Variants in MAF observed in about 807,000 individuals in gnomAD.
MAF encodes the protein MAF bZIP transcription factor, also known as transcription factor Maf.
Under a neutral mutation model 22.0 loss-of-function variants are expected in MAF, and 10 were observed. The ratio of observed to expected loss-of-function variants is 0.45; its 90% confidence interval spans 0.28 to 0.77. The LOEUF is 0.77. Ranked by LOEUF, MAF falls within the 30% of genes least tolerant of loss-of-function variation. The probability of loss-of-function intolerance (pLI) is 0.12; values close to 1 mark genes in which losing one functional copy is unlikely to be tolerated. For synonymous variants in MAF, 337 were observed against 255.8 expected (o/e 1.32, Z -3.03); for missense variants, 544 against 548.4 (o/e 0.99, Z 0.08).
At chr16:79,270,701 C>T in the MAF span, among the ~76,000 whole-genome samples, 1 of 152,124 alleles carries the variant, frequency 6.6e-6, no homozygotes, top group Non-Finnish European at 1.5e-5. Context: ...GTGGAGAAAG[C>T]TCCCACTGGC....
At chr16:79,238,249 G>C in the MAF span, among the ~76,000 whole-genome samples, 2 of 152,020 alleles carry the variant, frequency 1.3e-5, no homozygotes, top group Non-Finnish European at 2.9e-5. Flanking sequence ...CTGAATGCCA[G>C]CTTTTCCCAG....
the MAF span, among the ~76,000 whole-genome samples, chr16:79,422,017 A>C: frequency 6.6e-6 from 1 of 152,082 alleles, no homozygotes; most frequent in Non-Finnish European, 1.5e-5. Context: ...AACTCAGGTG[A>C]TCCACCCGCC....
chr16:79,366,275 G>A, the MAF span, among the ~76,000 whole-genome samples: 1 of 152,142 alleles, frequency 6.6e-6, no homozygotes, highest in Non-Finnish European at 1.5e-5. Flanking sequence ...ACACTAGACT[G>A]TCATGGTACC....
chr16:79,490,415 G>C, the MAF span, among the ~76,000 whole-genome samples: 1 of 152,106 alleles, frequency 6.6e-6, no homozygotes, highest in Non-Finnish European at 1.5e-5. Flanking sequence ...GCTGTAGAGG[G>C]GATTCCTCTG....
the MAF span, among the ~76,000 whole-genome samples, chr16:79,547,047 G>A: frequency 2.6e-5 from 4 of 152,130 alleles, no homozygotes; most frequent in Admixed American, 2.0e-4. Context: ...CAGGACATGC[G>A]TACGAGTTTG....
the MAF span, among the ~76,000 whole-genome samples, chr16:79,252,571 C>T: frequency 6.6e-6 from 1 of 152,064 alleles, no homozygotes; most frequent in Admixed American, 6.5e-5. Flanking sequence ...CTCACTGCAA[C>T]CGCAACCTCC....
the MAF span, among the ~76,000 whole-genome samples, chr16:79,452,898 G>A: frequency 6.6e-6 from 1 of 152,202 alleles, no homozygotes; most frequent in Non-Finnish European, 1.5e-5. Context: ...ATCAACACTT[G>A]GAGGAGAGCC....
At chr16:79,508,343 G>A in the MAF span, among the ~76,000 whole-genome samples, 29 of 152,272 alleles carry the variant, frequency 1.9e-4, 1 homozygote, top group Admixed American at 1.8e-3. Flanking sequence ...GTGAAACTGA[G>A]TATTCATTTC....
At chr16:79,282,126 C>A in the MAF span, among the ~76,000 whole-genome samples, 1 of 152,198 alleles carries the variant, frequency 6.6e-6, no homozygotes, top group Admixed American at 6.5e-5. Flanking sequence ...GATGGTGAAA[C>A]CCCGTCTCTA....
chr16:79,469,044 T>C, the MAF span, among the ~76,000 whole-genome samples: 2 of 152,154 alleles, frequency 1.3e-5, no homozygotes, highest in African/African-American at 4.8e-5. Context: ...ATTTATTCCT[T>C]AGCCACCCCA....
chr16:79,337,158 T>C, the MAF span, among the ~76,000 whole-genome samples: 10 of 152,262 alleles, frequency 6.6e-5, no homozygotes, highest in South Asian at 2.1e-3. Flanking sequence ...AGTGAGTGGG[T>C]CATAGGTCCC....
the MAF span, among the ~76,000 whole-genome samples, chr16:79,350,866 A>AGTGTGTGT: frequency 1.9e-3 from 285 of 148,502 alleles, no homozygotes; most frequent in African/African-American, 2.4e-3. Context: ...AACAGTGAGA[A>AGTGTGTGT]GTGTGTGTGT....
At chr16:79,323,297 A>C in the MAF span, among the ~76,000 whole-genome samples, 1 of 151,714 alleles carries the variant, frequency 6.6e-6, no homozygotes, top group African/African-American at 2.4e-5. Flanking sequence ...GCCCAGTTAG[A>C]ATGTCACGAA....
At chr16:79,214,305 G>C in the MAF span, among the ~76,000 whole-genome samples, 1 of 152,134 alleles carries the variant, frequency 6.6e-6, no homozygotes, top group Admixed American at 6.5e-5. Flanking sequence ...CTGTCACACA[G>C]CAAACTTACT....
At chr16:79,273,525 C>T in the MAF span, among the ~76,000 whole-genome samples, 1 of 152,180 alleles carries the variant, frequency 6.6e-6, no homozygotes, top group East Asian at 1.9e-4. Flanking sequence ...AAGGTGTCTG[C>T]CAGGCTGTGT....
the MAF span, among the ~76,000 whole-genome samples, chr16:79,213,098 T>C: frequency 6.6e-6 from 1 of 152,228 alleles, no homozygotes. Context: ...GCATCCCATC[T>C]CATGGACACC....
chr16:79,505,022 T>C, the MAF span, among the ~76,000 whole-genome samples: 1 of 152,206 alleles, frequency 6.6e-6, no homozygotes, highest in African/African-American at 2.4e-5. Context: ...ATAGCATTTT[T>C]CACATTTTAG....
At chr16:79,471,157 G>T in the MAF span, among the ~76,000 whole-genome samples, 1 of 152,190 alleles carries the variant, frequency 6.6e-6, no homozygotes, top group Non-Finnish European at 1.5e-5. Context: ...TGTGGAGGAA[G>T]GAGGCATACC....
the MAF span, among the ~76,000 whole-genome samples, chr16:79,271,073 AT>A: frequency 1.1e-5 from 1 of 92,586 alleles, no homozygotes; most frequent in Non-Finnish European, 2.1e-5. Flanking sequence ...GCTTTCTGGC[AT>A]TTTTTTTTAT....
Sources: allele counts gnomAD v4.1 joint callset (sites outside exome capture counted in the v4.1 genomes callset), GRCh38; gene constraint gnomAD v4.1.1; transcripts MANE v1.5; gene names NCBI Gene and HGNC (gene_info 2026-07-23, HGNC 2026-07-21).